APBA2: variants seen among roughly 807,000 people sequenced by gnomAD.
APBA2 encodes the protein amyloid-beta A4 precursor protein-binding family A member 2.
APBA2 carries 30 observed loss-of-function variants against 75.0 expected under a neutral mutation model. The observed-to-expected ratio is 0.40, with a 90% CI of 0.30 to 0.54. The LOEUF is 0.54. Ranked by LOEUF, APBA2 falls within the 20% of genes least tolerant of loss-of-function variation. The pLI, the probability that APBA2 is intolerant of heterozygous loss-of-function variation, is 0.49. For synonymous variants in APBA2, 444 were observed against 409.6 expected (o/e 1.08, Z -1.01); for missense variants, 801 against 1,016.1 (o/e 0.79, Z 2.88).
chr15:29,072,552 G>C (rs998462972), intron 4 of APBA2, among the ~76,000 whole-genome samples: 1 of 152,070 alleles, frequency 6.6e-6, no homozygotes, highest in Admixed American at 6.6e-5. Context: ...GCGGTACCTG[G>C]GCCAGTCTCA....
intron 2 of APBA2, among the ~76,000 whole-genome samples, chr15:28,933,367 C>T (rs938317464): frequency 3.8e-4 from 58 of 152,254 alleles, no homozygotes; most frequent in African/African-American, 1.3e-3. Flanking sequence ...GAGAAGCTGC[C>T]GTCTCTGAGC....
At chr15:28,907,272 G>A (rs1294443027) in intron 1 of APBA2, among the ~76,000 whole-genome samples, 1 of 152,132 alleles carries the variant, frequency 6.6e-6, no homozygotes, top group African/African-American at 2.4e-5. Context: ...GATTTGTCAT[G>A]GGTTAAGTTG....
Position 29,094,339 on chromosome 15 carries a change from A to G in APBA2, c.1251+26A>G, listed in dbSNP as rs778013180. On this transcript the variant is annotated intron_variant, in intron 8 of 14. Coordinates refer to ENST00000683413, the MANE Select transcript of APBA2 (RefSeq NM_001353788.2). ...GTGTGTAGGGCCTTGAGGCCCTGGG[A>G]CAGTGTTGTTTGCTTGTGTTTCCGT... 5.0e-6 allele frequency: 8 copies of G among 1,611,910 alleles called. No individual in the cohort carries two copies. The African/African-American group carries it at 9.4e-5, about 19-fold the overall frequency.
At chr15:28,984,934 T>C (rs1595648809) in intron 2 of APBA2, among the ~76,000 whole-genome samples, 1 of 151,400 alleles carries the variant, frequency 6.6e-6, no homozygotes, top group South Asian at 2.1e-4. Flanking sequence ...TCTCTCTCTC[T>C]CTCCCTCTCT....
At chr15:28,994,147 C>T (rs1160044439) in intron 2 of APBA2, among the ~76,000 whole-genome samples, 1 of 152,202 alleles carries the variant, frequency 6.6e-6, no homozygotes, top group African/African-American at 2.4e-5. Context: ...CTATTTGATG[C>T]TAATGTGATT....
chr15:29,064,201 C>T (rs1272701429), intron 4 of APBA2, among the ~76,000 whole-genome samples: 2 of 152,186 alleles, frequency 1.3e-5, no homozygotes, highest in Non-Finnish European at 2.9e-5. Flanking sequence ...GACTACCTGT[C>T]TCTCACCGAC....
intron 4 of APBA2, among the ~76,000 whole-genome samples, chr15:29,055,336 G>A (rs2041835383): frequency 1.3e-5 from 2 of 152,360 alleles, no homozygotes; most frequent in Non-Finnish European, 2.9e-5. Context: ...AAGCCCGGGG[G>A]CCTTGGCCTG....
At chr15:28,913,406 G>A (rs953400755) in intron 1 of APBA2, among the ~76,000 whole-genome samples, 2 of 152,168 alleles carry the variant, frequency 1.3e-5, no homozygotes, top group African/African-American at 2.4e-5. Flanking sequence ...TTCCAGCTCC[G>A]GGACCTGTCA....
At chr15:28,889,019 C>G (rs1323516958) in intron 1 of APBA2, among the ~76,000 whole-genome samples, 1 of 152,128 alleles carries the variant, frequency 6.6e-6, no homozygotes, top group Non-Finnish European at 1.5e-5. Flanking sequence ...CCAGCGGGGG[C>G]TGGGGGTGCT....
intron 10 of APBA2, among the ~76,000 whole-genome samples, chr15:29,104,340 G>A (rs1335944560): frequency 6.6e-6 from 1 of 152,230 alleles, no homozygotes; most frequent in Non-Finnish European, 1.5e-5. Flanking sequence ...GTGGGCTGAG[G>A]CGTCACCAAG....
chr15:28,891,532 C>T (rs2032130948), intron 1 of APBA2, among the ~76,000 whole-genome samples: 1 of 152,202 alleles, frequency 6.6e-6, no homozygotes, highest in African/African-American at 2.4e-5. Flanking sequence ...GACATGGGCC[C>T]TTCACAGGGA....
chr15:28,938,275 A>G (rs2034992332), intron 2 of APBA2, among the ~76,000 whole-genome samples: 1 of 152,194 alleles, frequency 6.6e-6, no homozygotes, highest in Non-Finnish European at 1.5e-5. Context: ...CATGGTATTT[A>G]TGTCCCAACA....
At chr15:29,045,342 G>A (rs1056133155) in intron 3 of APBA2, among the ~76,000 whole-genome samples, 11 of 149,378 alleles carry the variant, frequency 7.4e-5, no homozygotes, top group African/African-American at 1.2e-4. Context: ...TGCCAGCCTC[G>A]GCCTCCCAAA....
intron 1 of APBA2, among the ~76,000 whole-genome samples, chr15:28,920,121 A>G (rs2033895630): frequency 6.6e-6 from 1 of 152,134 alleles, no homozygotes; most frequent in Non-Finnish European, 1.5e-5. Context: ...CTGAGAGGGA[A>G]TGGGAGAAGT....
At chr15:28,946,060 G>C (rs912258066) in intron 2 of APBA2, among the ~76,000 whole-genome samples, 2 of 152,168 alleles carry the variant, frequency 1.3e-5, no homozygotes, top group Admixed American at 1.3e-4. Flanking sequence ...CTTCATGCAT[G>C]TGTCTCTCCC....
rs1299320018 is a variant in APBA2 at position 29,118,181 on chromosome 15, G to GTGACT, written c.*1050_*1054dup. On this transcript the variant is annotated 3_prime_UTR_variant, in exon 15 of 15. Coordinates refer to ENST00000683413, the MANE Select transcript of APBA2 (RefSeq NM_001353788.2). ...TGGCCCAGGCCTTGAAGAATACACT[G>GTGACT]TGACTTAAGAAGCCTTACCACGCAG... The GTGACT allele has an allele frequency of 6.6e-6, 1 of 152,624 alleles. No individual in the cohort carries two copies. The highest frequency in any genetic ancestry group is 1.9e-4 in the East Asian group (1 of 5,190). 9.5% of individuals were successfully genotyped at this position (152,624 alleles called of 1,614,324 possible).
chr15:29,065,398 A>T (rs1386602820), intron 4 of APBA2, among the ~76,000 whole-genome samples: 1 of 152,226 alleles, frequency 6.6e-6, no homozygotes, highest in Non-Finnish European at 1.5e-5. Flanking sequence ...TAGCGTGGTG[A>T]TGGCAGACAT....
intron 6 of APBA2, among the ~76,000 whole-genome samples, chr15:29,085,982 G>C (rs986412905): frequency 1.3e-5 from 2 of 152,174 alleles, no homozygotes; most frequent in African/African-American, 2.4e-5. Flanking sequence ...CCCCCTGTGT[G>C]GGGGATGGAC....
At chr15:29,044,885 G>C (rs958443899) in intron 3 of APBA2, among the ~76,000 whole-genome samples, 3 of 152,160 alleles carry the variant, frequency 2.0e-5, no homozygotes, top group Non-Finnish European at 4.4e-5. Flanking sequence ...AGCTCTGGAG[G>C]CTGGGAAGTC....
Sources: gnomAD v4.1 joint callset for allele counts (sites outside exome capture counted in the v4.1 genomes callset) on GRCh38, gnomAD v4.1.1 for gene constraint, MANE v1.5 for transcripts, NCBI Gene and HGNC (gene_info 2026-07-23, HGNC 2026-07-21) for gene names.